AR: variants seen among roughly 807,000 people sequenced by gnomAD.
The protein encoded by AR is androgen receptor, also known as dihydrotestosterone receptor.
Under a neutral mutation model 53.9 loss-of-function variants are expected in AR, and 8 were observed. The ratio of observed to expected loss-of-function variants is 0.15; its 90% confidence interval spans 0.09 to 0.27. The LOEUF is 0.27. Ranked by LOEUF, AR falls within the 10% of genes least tolerant of loss-of-function variation. AR has a pLI of 1.00. For synonymous variants in AR, 359 were observed against 316.4 expected (o/e 1.13, Z -1.43); for missense variants, 639 against 742.5 (o/e 0.86, Z 1.62).
intron 2 of AR, among the ~76,000 whole-genome samples, chrX:67,672,912 C>T (rs1187187752): frequency 9.0e-6 from 1 of 111,626 alleles, no homozygotes; most frequent in East Asian, 2.8e-4. Flanking sequence ...TTAAAGAGCT[C>T]CCTTTAGCAT....
chrX:67,659,517 T>A (rs1295680518), intron 2 of AR, among the ~76,000 whole-genome samples: 1 of 111,164 alleles, frequency 9.0e-6, no homozygotes, highest in African/African-American at 3.3e-5. Flanking sequence ...GGTTTCCAGC[T>A]TCATCCATGT....
intron 1 of AR, among the ~76,000 whole-genome samples, chrX:67,614,694 A>C (rs1924033278): frequency 9.0e-6 from 1 of 111,496 alleles, no homozygotes; most frequent in Non-Finnish European, 1.9e-5. Flanking sequence ...GGAAAGTATG[A>C]CTCATACATG....
chrX:67,589,249 G>A (rs1307127453), intron 1 of AR, among the ~76,000 whole-genome samples: 1 of 102,191 alleles, frequency 9.8e-6, no homozygotes, highest in African/African-American at 3.6e-5. Context: ...CGGCCTGGGC[G>A]ACAGAGCGAG....
At chrX:67,582,338 A>G (rs1922332827) in intron 1 of AR, among the ~76,000 whole-genome samples, 1 of 111,915 alleles carries the variant, frequency 8.9e-6, no homozygotes, top group South Asian at 3.7e-4. Context: ...CTTTTGTGCT[A>G]ACAGTATCTC....
chrX:67,550,908 T>C (rs1475162114), intron 1 of AR, among the ~76,000 whole-genome samples: 1 of 108,533 alleles, frequency 9.2e-6, no homozygotes, highest in African/African-American at 3.4e-5. Flanking sequence ...ATTTCTTTTT[T>C]AAAAAAAATC....
intron 4 of AR, among the ~76,000 whole-genome samples, chrX:67,712,613 C>A (rs1359734452): frequency 8.9e-6 from 1 of 112,230 alleles, no homozygotes; most frequent in Non-Finnish European, 1.9e-5. Context: ...AAAGCCAGAG[C>A]CTGTAGCTTG....
intron 2 of AR, among the ~76,000 whole-genome samples, chrX:67,656,514 A>T: frequency 9.0e-6 from 1 of 111,468 alleles, no homozygotes; most frequent in Non-Finnish European, 1.9e-5. Flanking sequence ...AACAATAATA[A>T]TGGTGATGAT....
chrX:67,628,592 T>A (rs2147408648), intron 1 of AR, among the ~76,000 whole-genome samples: 1 of 108,744 alleles, frequency 9.2e-6, no homozygotes, highest in South Asian at 4.2e-4. Context: ...ACAGGGACAA[T>A]TTGACTTCCT....
intron 1 of AR, among the ~76,000 whole-genome samples, chrX:67,612,680 T>A: frequency 8.9e-6 from 1 of 112,367 alleles, no homozygotes; most frequent in Non-Finnish European, 1.9e-5. Flanking sequence ...ACCGTTTAAC[T>A]AGTAAAAATG....
chrX:67,630,225 G>T (rs1025502196), intron 1 of AR, among the ~76,000 whole-genome samples: 18 of 111,032 alleles, frequency 1.6e-4, no homozygotes, highest in African/African-American at 5.2e-4. Flanking sequence ...TCTGTCTAAT[G>T]TTGACAGTGG....
rs918028909 is a variant in AR at position 67,728,105 on chromosome X, T to C, written c.*4264T>C. The C allele has an allele frequency of 5.8e-6, 1 of 171,891 alleles. No individual in the cohort carries two copies. The highest frequency in any genetic ancestry group is 8.0e-5 in the Admixed American group (1 of 12,423). The allele number at this position is 171,891 out of a possible 1,213,427, so 14.2% of individuals were successfully genotyped here. A position where few individuals can be genotyped will look rare whatever the true frequency, so the allele number is the denominator to read the frequency against. ...AGGGCAGGGGGGGAGCAAGCATTAGTGCCTCTTTGATAAGCTGTCCAAAGA... is the reference window on the plus strand; with the variant it reads ...AGGGCAGGGGGGGAGCAAGCATTAGCGCCTCTTTGATAAGCTGTCCAAAGA... On this transcript the variant is annotated 3_prime_UTR_variant, in exon 8 of 8. Coordinates refer to ENST00000374690, the MANE Select transcript of AR (RefSeq NM_000044.6).
At chrX:67,641,860 G>T (rs867520076) in intron 1 of AR, among the ~76,000 whole-genome samples, 184 of 95,375 alleles carry the variant, frequency 1.9e-3, no homozygotes, top group African/African-American at 5.6e-3. Flanking sequence ...AACCTTTCAT[G>T]TTTTTTTTTT....
chrX:67,713,324 G>A (rs185633746), intron 4 of AR, among the ~76,000 whole-genome samples: 38 of 110,971 alleles, frequency 3.4e-4, no homozygotes, highest in Non-Finnish European at 5.5e-4. Flanking sequence ...GAAACCCAAG[G>A]ACTCTGACTG....
At chrX:67,694,727 A>G in intron 3 of AR, 1 of 1,154,977 alleles carries the variant, frequency 8.7e-7, no homozygotes, top group Non-Finnish European at 1.1e-6. Flanking sequence ...CCCTGAAGAA[A>G]GGCTGACTTG....
At chrX:67,549,544 G>C (rs770470032) in intron 1 of AR, among the ~76,000 whole-genome samples, 4 of 111,943 alleles carry the variant, frequency 3.6e-5, no homozygotes, top group Non-Finnish European at 5.6e-5. Flanking sequence ...ATTTTATGGA[G>C]CTGTCTGTCT....
intron 3 of AR, chrX:67,689,543 C>CT (rs765002431): frequency 3.6e-5 from 34 of 955,561 alleles, no homozygotes; most frequent in Admixed American, 2.9e-4. Flanking sequence ...CTGTTTCTTG[C>CT]TTTTTTTTCT....
intron 1 of AR, among the ~76,000 whole-genome samples, chrX:67,615,327 A>G (rs1344869991): frequency 9.0e-6 from 1 of 111,367 alleles, no homozygotes; most frequent in African/African-American, 3.3e-5. Context: ...AAATTTTGAA[A>G]TTAGCAAGAG....
chrX:67,609,262 G>A (rs2147384633), intron 1 of AR, among the ~76,000 whole-genome samples: 1 of 111,341 alleles, frequency 9.0e-6, no homozygotes, highest in South Asian at 3.8e-4. Flanking sequence ...AATTTCAAAA[G>A]TGGAGTTATT....
At chrX:67,646,444 G>T (rs1926063721) in intron 2 of AR, among the ~76,000 whole-genome samples, 1 of 111,147 alleles carries the variant, frequency 9.0e-6, no homozygotes, top group Non-Finnish European at 1.9e-5. Context: ...AGAGAAACTT[G>T]GTCAAAGTGT....
Sources: gnomAD v4.1 joint callset for allele counts (sites outside exome capture counted in the v4.1 genomes callset) on GRCh38, gnomAD v4.1.1 for gene constraint, MANE v1.5 for transcripts, NCBI Gene and HGNC (gene_info 2026-07-23, HGNC 2026-07-21) for gene names.